APC: variants seen among roughly 807,000 people sequenced by gnomAD.
APC encodes APC regulator of Wnt signaling pathway.
In APC, 72 loss-of-function variants were observed where a neutral mutation model predicts 247.0. The ratio of observed to expected loss-of-function variants is 0.29; its 90% confidence interval spans 0.24 to 0.35. APC has a LOEUF of 0.35. APC is among the 10% of genes least tolerant of loss of function. The pLI, the probability that APC is intolerant of heterozygous loss-of-function variation, is 1.00. For synonymous variants in APC, 1,254 were observed against 1,162.5 expected, an observed-to-expected ratio of 1.08 and a Z score of -1.60; for missense variants, 3,400 against 3,360.7, an observed-to-expected ratio of 1.01 and a Z score of -0.29.
chr5:112,834,339 T>A (rs1764636326), intron 14 of APC, among the ~76,000 whole-genome samples: 1 of 150,584 alleles, frequency 6.6e-6, no homozygotes, highest in Non-Finnish European at 1.5e-5. Context: ...CCTCCCAGGT[T>A]CAAGCGATTC....
intron 1 of APC, among the ~76,000 whole-genome samples, chr5:112,726,788 A>G (rs1189561756): frequency 6.6e-6 from 1 of 152,178 alleles, no homozygotes; most frequent in Non-Finnish European, 1.5e-5. Flanking sequence ...TATGACACTT[A>G]AGATAATTCA....
chr5:112,741,665 T>TAAA (rs1753042833), intron 1 of APC, among the ~76,000 whole-genome samples: 1 of 152,202 alleles, frequency 6.6e-6, no homozygotes, highest in Non-Finnish European at 1.5e-5. Context: ...ATTGTACAGT[T>TAAA]CTGTGGCATT....
At chr5:112,808,490 C>G (rs1194796724) in intron 8 of APC, among the ~76,000 whole-genome samples, 1 of 152,054 alleles carries the variant, frequency 6.6e-6, no homozygotes, top group Non-Finnish European at 1.5e-5. Flanking sequence ...GGATCTCACT[C>G]TCGCCTGGAC....
At chr5:112,798,307 TA>T (rs1194633111) in intron 7 of APC, among the ~76,000 whole-genome samples, 1 of 152,222 alleles carries the variant, frequency 6.6e-6, no homozygotes. Flanking sequence ...ACATGCTAAG[TA>T]AAATAAGCCA....
At position 112,800,832 on chromosome 5, in the gene APC, CAT is replaced by C. The variant is rs150403293; in HGVS notation, c.730-432_730-431del. On this transcript the variant is annotated intron_variant, in intron 7 of 15. Coordinates refer to ENST00000257430, the MANE Select transcript of APC (RefSeq NM_000038.6). ...CACCTAACTTTTATTAGAAGATATA[CAT>C]ATATATATATATATTCTATGTGAAA... 2.5e-3 allele frequency among the ~76,000 whole-genome samples: 378 copies of C among 148,992 alleles called. 4 individuals carry two copies. Among genetic ancestry groups the C allele is most frequent in the Middle Eastern group, 7.0e-3 (2 of 286 alleles).
Position 112,767,387 on chromosome 5 carries a change from A to T in APC, c.419A>T (p.Glu140Val). Reference protein sequence around the residue: ...STGYLEELEKERSLLLADLDK... With the variant: ...STGYLEELEKVRSLLLADLDK... ...GGATATTTAGAAGAACTTGAGAAAG[A>T]GAGGTAACTTTTCTTCATATAGTAA... is the stretch of plus-strand genomic sequence containing the variant. Residue 140 changes from glutamate to valine, a missense_variant, in exon 4 of 16, where the codon GAG becomes GTG. Transcript: ENST00000257430. 10 of 1,612,930 alleles carry T rather than the reference A, an allele frequency of 6.2e-6. No homozygotes were observed. The highest frequency in any genetic ancestry group is 8.5e-6 in the Non-Finnish European group (10 of 1,178,950).
intron 2 of APC, among the ~76,000 whole-genome samples, chr5:112,760,072 A>T (rs980425808): frequency 2.0e-5 from 3 of 152,158 alleles, no homozygotes; most frequent in African/African-American, 7.2e-5. Context: ...CCCTTTCTAG[A>T]TAAGCTGAGA....
At chr5:112,809,285 A>G (rs1377397743) in intron 8 of APC, among the ~76,000 whole-genome samples, 1 of 151,980 alleles carries the variant, frequency 6.6e-6, no homozygotes, top group African/African-American at 2.4e-5. Context: ...GAAGGTCAAG[A>G]CTGCAGTAAG....
chr5:112,733,629 T>A (rs1210370480), upstream of APC, among the ~76,000 whole-genome samples: 1 of 152,210 alleles, frequency 6.6e-6, no homozygotes, highest in East Asian at 1.9e-4. Context: ...TGCAGACACC[T>A]TGGTTTTAGC....
intron 11 of APC, 36 bp from the exon 12 acceptor site, chr5:112,827,072 A>G: frequency 1.2e-6 from 2 of 1,610,574 alleles, no homozygotes; most frequent in South Asian, 1.1e-5. Context: ...TTTATTTTAG[A>G]TGATTGTCTT....
chr5:112,717,908 C>CTTTTTCTTTTTTTTTTTTTTTTTTTT (rs1751264440), intron 1 of APC, among the ~76,000 whole-genome samples: 2 of 40,634 alleles, frequency 4.9e-5, no homozygotes, highest in Non-Finnish European at 9.0e-5. Flanking sequence ...TTTTCTTTTT[C>CTTTTTCTTTTTTTTTTTTTTTTTTTT]TTTTTTTTTT....
chr5:112,802,349 A>G (rs1760917747), intron 8 of APC, among the ~76,000 whole-genome samples: 1 of 152,176 alleles, frequency 6.6e-6, no homozygotes, highest in African/African-American at 2.4e-5. Context: ...AAATTAGGAC[A>G]AAGGCAATCA....
In APC at chr5:112,707,611, G is replaced by A. The variant is rs1750588455; in HGVS notation, c.-107G>A. 1 of 1,225,798 alleles carries A rather than the reference G, an allele frequency of 8.2e-7. No homozygotes were observed. 75.9% of individuals were successfully genotyped at this position (1,225,798 alleles called of 1,614,324 possible). On this transcript the variant is annotated 5_prime_UTR_variant, in exon 1 of 14. Coordinates refer to the APC transcript ENST00000507379. ...GGGGGGGACCTGCGGGCTCAGGCCC[G>A]GGAGCTGCGGACCGAGGTTGGCTCG... is the stretch of plus-strand genomic sequence containing the variant.
intron 12 of APC, 35 bp downstream of exon 12, chr5:112,827,282 T>C (rs1763803096): frequency 3.7e-6 from 6 of 1,610,634 alleles, no homozygotes; most frequent in Non-Finnish European, 5.1e-6. Flanking sequence ...TTAAGATAGC[T>C]CAGGTATGAG....
chr5:112,764,370 A>T (rs1490329921), intron 2 of APC, among the ~76,000 whole-genome samples: 1 of 152,210 alleles, frequency 6.6e-6, no homozygotes, highest in Non-Finnish European at 1.5e-5. Flanking sequence ...TAATAACAAG[A>T]TAGTGGCAGT....
intron 2 of APC, among the ~76,000 whole-genome samples, chr5:112,765,491 T>G (rs1016597210): frequency 6.6e-6 from 1 of 152,210 alleles, no homozygotes; most frequent in Non-Finnish European, 1.5e-5. Flanking sequence ...TTCCTTTTAA[T>G]GTATTTACAG....
chr5:112,751,463 T>G (rs1754355862), intron 1 of APC, among the ~76,000 whole-genome samples: 1 of 152,084 alleles, frequency 6.6e-6, no homozygotes, highest in Non-Finnish European at 1.5e-5. Flanking sequence ...TGAATCTTGG[T>G]ATACCAGAAT....
chr5:112,717,962 G>A (rs180772985), intron 1 of APC, among the ~76,000 whole-genome samples: 186 of 55,044 alleles, frequency 3.4e-3, no homozygotes, highest in Middle Eastern at 0.019. Context: ...TCAAGGCATT[G>A]TTCTGGATAT....
In APC at chr5:112,838,993, T is replaced by A. The variant is rs1561584518; in HGVS notation, c.3399T>A (p.Asp1133Glu). Residue 1133 changes from aspartate (D) to glutamate (E), a missense_variant, in exon 16 of 16, where the codon GAT (aspartate) becomes GAA (glutamate). Around this residue, in one of 9 missense-constraint regions of APC, gnomAD observed 715 missense variants for 656.6 expected, o/e 1.09. Coordinates refer to ENST00000257430, the MANE Select transcript of APC (RefSeq NM_000038.6). The part of the protein sequence containing the change: ...QNVSQSLCQE[D>E]DYEDDKPTNY... ...TAAGCCAGTCTTTGTGTCAAGAAGA[T>A]GACTATGAAGATGATAAGCCTACCA... The A allele has an allele frequency of 6.2e-7, 1 of 1,614,090 alleles. No individual in the cohort carries two copies. The highest frequency in any genetic ancestry group is 8.5e-7 in the Non-Finnish European group (1 of 1,180,030).
Sources: gnomAD v4.1 joint callset for allele counts (sites outside exome capture counted in the v4.1 genomes callset) on GRCh38, gnomAD v4.1.1 for gene constraint, gnomAD v4.1.1 regional missense constraint, MANE v1.5 for transcripts, NCBI Gene and HGNC (gene_info 2026-07-23, HGNC 2026-07-21) for gene names.